Variants in STK32A observed in about 807,000 individuals in gnomAD.
STK32A encodes serine/threonine kinase 32A.
Under a neutral mutation model 53.2 loss-of-function variants are expected in STK32A, and 41 were observed. That is an observed-to-expected ratio of 0.77 (90% CI 0.60 to 1.00). STK32A has a LOEUF of 1.00. Ranked by LOEUF, STK32A falls within the 50% of genes least tolerant of loss-of-function variation. The pLI, the probability that STK32A is intolerant of heterozygous loss-of-function variation, is 0.00. For synonymous variants in STK32A, 166 were observed against 162.8 expected, an observed-to-expected ratio of 1.02 and a Z score of -0.15; for missense variants, 458 against 485.8, an observed-to-expected ratio of 0.94 and a Z score of 0.54.
intron 5 of STK32A, among the ~76,000 whole-genome samples, chr5:147,338,485 G>A (rs2151986035): frequency 6.6e-6 from 1 of 152,304 alleles, no homozygotes; most frequent in Admixed American, 6.5e-5. Flanking sequence ...GAGGAGTGGG[G>A]CACTGCTGTA....
At chr5:147,377,802 C>T (rs960068937) in intron 11 of STK32A, among the ~76,000 whole-genome samples, 2 of 152,026 alleles carry the variant, frequency 1.3e-5, no homozygotes, top group African/African-American at 2.4e-5. Flanking sequence ...GAGTGCTTTC[C>T]GGAGTTTTGA....
intron 6 of STK32A, 69 bp from the exon 7 acceptor site, chr5:147,350,996 T>C (rs1438741206): frequency 1.4e-6 from 2 of 1,398,316 alleles, no homozygotes; most frequent in East Asian, 2.3e-5. Flanking sequence ...GTGTTTTCAG[T>C]TAAAAGCATG....
At chr5:147,258,686 C>CT (rs55773750) in intron 2 of STK32A, among the ~76,000 whole-genome samples, 40 of 148,880 alleles carry the variant, frequency 2.7e-4, no homozygotes, top group South Asian at 1.9e-3. Context: ...TCTCCCTCTC[C>CT]TTTTTTTTTT....
chr5:147,333,391 C>T (rs1284794289), intron 5 of STK32A, among the ~76,000 whole-genome samples: 3 of 152,110 alleles, frequency 2.0e-5, no homozygotes, highest in African/African-American at 7.2e-5. Context: ...ATTTTATTTG[C>T]TCAAATCTTG....
chr5:147,250,171 C>T (rs11167966), intron 2 of STK32A, among the ~76,000 whole-genome samples: 8 of 151,750 alleles, frequency 5.3e-5, no homozygotes, highest in Non-Finnish European at 1.0e-4. Context: ...TGCGTGGGAA[C>T]GGAGGGGTTT....
intron 2 of STK32A, among the ~76,000 whole-genome samples, chr5:147,249,635 G>A (rs1483704917): frequency 6.6e-6 from 1 of 151,952 alleles, no homozygotes; most frequent in East Asian, 1.9e-4. Context: ...CTATTGTGCT[G>A]GGTGCAGTGG....
chr5:147,329,999 G>A (rs531153944), intron 5 of STK32A, among the ~76,000 whole-genome samples: 1 of 152,210 alleles, frequency 6.6e-6, no homozygotes. Flanking sequence ...AACATGTGGG[G>A]TTCTGGTCTG....
At chr5:147,361,073 C>G (rs1361820251) in intron 7 of STK32A, among the ~76,000 whole-genome samples, 1 of 152,202 alleles carries the variant, frequency 6.6e-6, no homozygotes, top group Non-Finnish European at 1.5e-5. Context: ...CCAGGTGACT[C>G]TGAGATAGAG....
chr5:147,331,114 A>G (rs1447048712), intron 5 of STK32A, among the ~76,000 whole-genome samples: 1 of 152,232 alleles, frequency 6.6e-6, no homozygotes, highest in Non-Finnish European at 1.5e-5. Context: ...ATTTGCCAAC[A>G]CAGTGACACC....
chr5:147,368,636 G>A (rs999958012), intron 8 of STK32A, among the ~76,000 whole-genome samples: 1 of 151,848 alleles, frequency 6.6e-6, no homozygotes, highest in African/African-American at 2.4e-5. Flanking sequence ...ATACAATTCT[G>A]GTAGTTGATT....
intron 4 of STK32A, among the ~76,000 whole-genome samples, chr5:147,312,039 T>C (rs1753724664): frequency 6.6e-6 from 1 of 151,910 alleles, no homozygotes; most frequent in Admixed American, 6.6e-5. Context: ...CAACCAAGAG[T>C]CTTTAAGTCT....
intron 2 of STK32A, among the ~76,000 whole-genome samples, chr5:147,253,925 A>G (rs1233706638): frequency 6.6e-6 from 1 of 152,220 alleles, no homozygotes; most frequent in Non-Finnish European, 1.5e-5. Context: ...AAGGACAAAA[A>G]TAATTCACAG....
chr5:147,267,772 G>T (rs1754870254), intron 2 of STK32A, among the ~76,000 whole-genome samples: 1 of 152,114 alleles, frequency 6.6e-6, no homozygotes, highest in Admixed American at 6.6e-5. Flanking sequence ...TCTACTGAGA[G>T]CTTCTTCACC....
downstream of STK32A, chr5:147,391,346 T>C (rs371276937): frequency 1.4e-4 from 22 of 152,656 alleles, no homozygotes; most frequent in African/African-American, 5.3e-4. Context: ...GAAATAGCTC[T>C]ACTACGGGTA....
chr5:147,323,007 A>G (rs1438901215), intron 4 of STK32A, among the ~76,000 whole-genome samples: 1 of 151,844 alleles, frequency 6.6e-6, no homozygotes, highest in Non-Finnish European at 1.5e-5. Flanking sequence ...TCCTTTCCCC[A>G]CTTGCACTAG....
At chr5:147,282,924 C>T (rs1481275367) in intron 4 of STK32A, among the ~76,000 whole-genome samples, 1 of 152,156 alleles carries the variant, frequency 6.6e-6, no homozygotes, top group African/African-American at 2.4e-5. Context: ...TGGATTTAAA[C>T]TATACCTTGA....
At chr5:147,255,538 G>C (rs1754191559) in intron 2 of STK32A, among the ~76,000 whole-genome samples, 1 of 152,224 alleles carries the variant, frequency 6.6e-6, no homozygotes, top group African/African-American at 2.4e-5. Flanking sequence ...TTACCCCTGA[G>C]TTGCTGGCTA....
rs1048993402 is a variant in STK32A, at chr5:147,385,753, T to C, written c.*1770T>C. ...TATGCCCCTGGGTAGGGTCCAGAAG[T>C]GAACAGGCTTGGTGGGGGATTGTTT... is the stretch of plus-strand genomic sequence containing the variant. On this transcript the variant is annotated 3_prime_UTR_variant, in exon 13 of 13. Coordinates refer to ENST00000397936, the MANE Select transcript of STK32A (RefSeq NM_001112724.2). The C allele has an allele frequency of 1.3e-5, 2 of 152,276 alleles. No individual in the cohort carries two copies. The highest frequency in any genetic ancestry group is 2.9e-5 in the Non-Finnish European group (2 of 68,082). The allele number at this position is 152,276 out of a possible 1,614,324, so 9.4% of individuals were successfully genotyped here. A position where few individuals can be genotyped will look rare whatever the true frequency, so the allele number is the denominator to read the frequency against.
chr5:147,275,265 T>G (rs6580457), intron 2 of STK32A, among the ~76,000 whole-genome samples: 89,455 of 151,800 alleles, frequency 0.59, 26,724 homozygotes, highest in African/African-American at 0.67. Flanking sequence ...TCCTGCTAAC[T>G]AGTGATTCTT....
Sources: gnomAD v4.1 joint callset for allele counts (sites outside exome capture counted in the v4.1 genomes callset) on GRCh38, gnomAD v4.1.1 for gene constraint, MANE v1.5 for transcripts, NCBI Gene and HGNC (gene_info 2026-07-23, HGNC 2026-07-21) for gene names.